The following BLTP1 variants were observed in gnomAD, a reference collection of about 807,000 sequenced individuals.
BLTP1 encodes the protein fragile site-associated protein.
the BLTP1 span, chr4:122,221,936 C>G: frequency 1.0e-6 from 1 of 978,968 alleles, no homozygotes; most frequent in Non-Finnish European, 1.2e-6. Flanking sequence ...ACATAGAAAA[C>G]ATTTTATTGA....
At chr4:122,305,013 G>T in the BLTP1 span, 1 of 1,552,560 alleles carries the variant, frequency 6.4e-7, no homozygotes, top group South Asian at 1.2e-5. Context: ...ATGTTAGAAC[G>T]ATGGCTTTTA....
chr4:122,277,506 G>A, the BLTP1 span: 1 of 965,972 alleles, frequency 1.0e-6, no homozygotes, highest in Non-Finnish European at 1.2e-6. Flanking sequence ...ACAAATATTT[G>A]GCAAGTGTCT....
At chr4:122,334,388 C>T in the BLTP1 span, 3 of 1,611,850 alleles carry the variant, frequency 1.9e-6, no homozygotes, top group Non-Finnish European at 1.7e-6. Context: ...CACCTAATGC[C>T]TCCAGGGGAT....
the BLTP1 span, among the ~76,000 whole-genome samples, chr4:122,253,335 A>G: frequency 7.2e-5 from 11 of 152,304 alleles, no homozygotes; most frequent in Non-Finnish European, 1.6e-4. Flanking sequence ...CTAATCCCAG[A>G]GAAGCAGATG....
At chr4:122,347,463 C>T in the BLTP1 span, 1 of 1,551,536 alleles carries the variant, frequency 6.4e-7, no homozygotes, top group South Asian at 1.2e-5. Context: ...TATTTTATAA[C>T]ATAGGGATTT....
chr4:122,269,064 A>G, the BLTP1 span: 7 of 955,082 alleles, frequency 7.3e-6, no homozygotes, highest in Non-Finnish European at 8.7e-6. Context: ...ATCCAGACCC[A>G]AAACATTAAT....
chr4:122,272,524 A>G, the BLTP1 span: 1 of 766,262 alleles, frequency 1.3e-6, no homozygotes. Flanking sequence ...TTTTCCCAGA[A>G]AAACTGGACT....
chr4:122,259,251 A>G, the BLTP1 span, among the ~76,000 whole-genome samples: 1 of 152,194 alleles, frequency 6.6e-6, no homozygotes, highest in Non-Finnish European at 1.5e-5. Context: ...GATAAGAGAC[A>G]TATAGCAAAG....
chr4:122,163,631 A>G, the BLTP1 span, among the ~76,000 whole-genome samples: 1 of 152,240 alleles, frequency 6.6e-6, no homozygotes, highest in African/African-American at 2.4e-5. Flanking sequence ...TAAATGCTTT[A>G]CATCAACTTA....
chr4:122,243,984 G>C, the BLTP1 span: 3 of 1,609,094 alleles, frequency 1.9e-6, no homozygotes, highest in South Asian at 3.3e-5. Flanking sequence ...AAAAGGAACT[G>C]TTGATATTGT....
chr4:122,250,998 A>G, the BLTP1 span: 10 of 985,022 alleles, frequency 1.0e-5, no homozygotes, highest in Non-Finnish European at 1.1e-5. Context: ...ATGGCACCTT[A>G]TATTCAACTC....
At chr4:122,175,700 G>A in the BLTP1 span, 4 of 549,576 alleles carry the variant, frequency 7.3e-6, no homozygotes, top group Admixed American at 3.4e-5. Flanking sequence ...CTTTGTTCAC[G>A]AAAAGATGTG....
the BLTP1 span, chr4:122,271,575 T>C: frequency 6.2e-7 from 1 of 1,613,644 alleles, no homozygotes; most frequent in South Asian, 1.1e-5. Context: ...ACTATTCATA[T>C]GGATGACTCT....
chr4:122,158,770 C>CA, the BLTP1 span, among the ~76,000 whole-genome samples: 19 of 147,526 alleles, frequency 1.3e-4, no homozygotes, highest in East Asian at 9.9e-4. Context: ...GACTCCGTCT[C>CA]AAAAAAAAAA....
the BLTP1 span, chr4:122,267,608 G>A: frequency 1.0e-6 from 1 of 976,576 alleles, no homozygotes; most frequent in African/African-American, 1.8e-5. Flanking sequence ...GACGTGTCAG[G>A]TAGTATTTTG....
chr4:122,263,322 A>T, the BLTP1 span: 2 of 1,419,658 alleles, frequency 1.4e-6, no homozygotes, highest in Non-Finnish European at 1.8e-6. Context: ...TGCAGTGAGA[A>T]TTCAAAACCA....
At chr4:122,361,193 T>C in the BLTP1 span, among the ~76,000 whole-genome samples, 1 of 152,084 alleles carries the variant, frequency 6.6e-6, no homozygotes, top group East Asian at 1.9e-4. Context: ...TCAGAACCAA[T>C]TGAAATAGTG....
the BLTP1 span, chr4:122,186,143 C>T: frequency 1.2e-6 from 2 of 1,611,774 alleles, no homozygotes; most frequent in South Asian, 2.2e-5. Context: ...TGGTTTGGAG[C>T]CAACAATAAT....
the BLTP1 span, chr4:122,264,455 T>A: frequency 6.4e-7 from 1 of 1,559,516 alleles, no homozygotes; most frequent in Middle Eastern, 1.7e-4. Flanking sequence ...TTCCTAATTA[T>A]AATAATACCT....
Sources: allele counts gnomAD v4.1 joint callset (sites outside exome capture counted in the v4.1 genomes callset), GRCh38; gene constraint gnomAD v4.1.1; transcripts MANE v1.5; gene names NCBI Gene and HGNC (gene_info 2026-07-23, HGNC 2026-07-21).